Variants in RBFOX1 observed in about 807,000 individuals in gnomAD.
RBFOX1 encodes the protein RNA binding fox-1 homolog 1, also known as RNA binding protein fox-1 homolog 1.
A neutral mutation model predicts 57.7 loss-of-function variants in RBFOX1; 8 were observed. The ratio of observed to expected loss-of-function variants is 0.14; its 90% CI spans 0.08 to 0.25. The LOEUF (loss-of-function observed/expected upper bound fraction) is 0.25. RBFOX1 is among the 10% of genes least tolerant of loss of function. RBFOX1 has a pLI of 1.00. For missense variants in RBFOX1, 611 were observed against 548.5 expected, an observed-to-expected ratio of 1.11 and a Z score of -1.14; for synonymous variants, 326 against 222.4, an observed-to-expected ratio of 1.47 and a Z score of -4.15.
chr16:6,921,986 G>T lies in RBFOX1; in HGVS notation c.-15-130071G>T, dbSNP rs2074556545. Among the ~76,000 whole-genome samples the T allele has an allele frequency of 5.9e-5, 9 of 152,258 alleles. No homozygotes were observed. The Middle Eastern group carries it at 0.021, about 350-fold the overall frequency. ...TATTGTATGAATTAGAATATACACAGAACTAGCACAATGCCTAACACCTTG... is the reference window on the plus strand; with the variant it reads ...TATTGTATGAATTAGAATATACACATAACTAGCACAATGCCTAACACCTTG... On this transcript the variant is annotated intron_variant, in intron 3 of 15. Transcript: ENST00000550418.
chr16:5,426,197 G>A (rs1312202392), intron 1 of RBFOX1, among the ~76,000 whole-genome samples: 2 of 152,104 alleles, frequency 1.3e-5, no homozygotes, highest in African/African-American at 4.8e-5. Context: ...CAATTGCGGG[G>A]CACGTTTGGA....
At chr16:7,427,538 A>G (rs975790353) in intron 4 of RBFOX1, among the ~76,000 whole-genome samples, 2 of 152,172 alleles carry the variant, frequency 1.3e-5, no homozygotes. Flanking sequence ...CTTCTGAGAC[A>G]TTAGGCCATC....
chr16:7,304,169 G>T (rs1301846067), intron 4 of RBFOX1: 2 of 971,838 alleles, frequency 2.1e-6, no homozygotes, highest in Non-Finnish European at 2.4e-6. Context: ...GGGGTGCGGT[G>T]GGGGGAGGGA....
At chr16:6,527,302 TTAGGTATA>T (rs1365253196) in intron 2 of RBFOX1, among the ~76,000 whole-genome samples, 2 of 152,068 alleles carry the variant, frequency 1.3e-5, no homozygotes, top group Non-Finnish European at 2.9e-5. Context: ...ATGTGATATC[TTAGGTATA>T]TACTAAGAGG....
At chr16:6,376,372 A>G (rs1369621966) in intron 2 of RBFOX1, among the ~76,000 whole-genome samples, 1 of 152,108 alleles carries the variant, frequency 6.6e-6, no homozygotes, top group Non-Finnish European at 1.5e-5. Flanking sequence ...AAAAGCAGAC[A>G]TCCATTCTCT....
intron 3 of RBFOX1, among the ~76,000 whole-genome samples, chr16:5,640,393 C>T (rs868231378): frequency 6.6e-6 from 1 of 152,082 alleles, no homozygotes; most frequent in African/African-American, 2.4e-5. Flanking sequence ...TGCATGCATG[C>T]ATGCACATAT....
intron 4 of RBFOX1, among the ~76,000 whole-genome samples, chr16:7,497,301 C>G (rs576364285): frequency 2.8e-4 from 43 of 152,248 alleles, no homozygotes; most frequent in African/African-American, 9.4e-4. Flanking sequence ...TTCTTTTATG[C>G]CCTGATGCTG....
chr16:7,209,142 AAATAATAATAAT>A (rs60784195), intron 4 of RBFOX1, among the ~76,000 whole-genome samples: 21,685 of 140,348 alleles, frequency 0.15, 1,933 homozygotes, highest in East Asian at 0.32. Context: ...CAAAAATACA[AAATAATAATAAT>A]AATAATAATA....
At chr16:6,807,346 G>A (rs906330401) in intron 3 of RBFOX1, among the ~76,000 whole-genome samples, 5 of 152,030 alleles carry the variant, frequency 3.3e-5, no homozygotes, top group Non-Finnish European at 5.9e-5. Flanking sequence ...TTGATAATGG[G>A]AATTTTGAGA....
At position 6,397,600 on chromosome 16, in the gene RBFOX1, T is replaced by C. The variant is rs144491188; in HGVS notation, c.-64+80543T>C. On this transcript the variant is annotated intron_variant, in intron 2 of 15. Transcript: ENST00000550418. The stretch of plus-strand genomic sequence containing the variant: ...GCTAGGTGAGACTTAAAGAGATGAA[T>C]GAAGAGCAGGGAACATGGTAAATAT... 1.6e-3 allele frequency among the ~76,000 whole-genome samples: 242 copies of C among 152,296 alleles called. 1 individual carries two copies. The highest frequency in any genetic ancestry group is 0.01 in the Middle Eastern group (3 of 294).
rs1031059984 is a variant in RBFOX1 at position 6,112,797 on chromosome 16, C to T, written c.-127+92805C>T. On this transcript the variant is annotated intron_variant, in intron 1 of 15. Coordinates refer to ENST00000550418, the MANE Select transcript of RBFOX1 (RefSeq NM_018723.4). The stretch of plus-strand genomic sequence containing the variant: ...GGACATGTCTGAGTGAAATACTTAG[C>T]GGGCATTTGGAGGATTTTGTATCTG... Among the ~76,000 whole-genome samples, 8 of 152,102 alleles carry T rather than the reference C, an allele frequency of 5.3e-5. No homozygotes were observed. In the East Asian group the frequency reaches 5.8e-4, roughly 11 times the overall value.
intron 1 of RBFOX1, among the ~76,000 whole-genome samples, chr16:5,424,328 A>G (rs1017075076): frequency 4.6e-5 from 7 of 152,170 alleles, no homozygotes; most frequent in Non-Finnish European, 1.0e-4. Context: ...GTTCATTGAC[A>G]GGCTGTGTAG....
chr16:5,945,070 A>C (rs957166501), intron 4 of RBFOX1, among the ~76,000 whole-genome samples: 1 of 150,648 alleles, frequency 6.6e-6, no homozygotes, highest in African/African-American at 2.4e-5. Flanking sequence ...CTGGAGCTCT[A>C]TGTAGGTTTA....
intron 3 of RBFOX1, among the ~76,000 whole-genome samples, chr16:7,013,636 G>C (rs12920067): frequency 3.9e-5 from 6 of 152,134 alleles, no homozygotes; most frequent in African/African-American, 1.2e-4. Context: ...AGGGAGGAGG[G>C]AGGATGCCAT....
At chr16:5,346,415 A>T (rs767373487) in intron 1 of RBFOX1, among the ~76,000 whole-genome samples, 8 of 152,202 alleles carry the variant, frequency 5.3e-5, no homozygotes, top group Non-Finnish European at 1.2e-4. Context: ...AGAAAACTAC[A>T]GAGAAGTTAT....
At chr16:7,248,970 G>T (rs2094413655) in intron 4 of RBFOX1, among the ~76,000 whole-genome samples, 1 of 152,154 alleles carries the variant, frequency 6.6e-6, no homozygotes, top group Non-Finnish European at 1.5e-5. Flanking sequence ...CCCTTTGTCT[G>T]TGGAATCCCA....
At chr16:7,162,966 C>T (rs1019229574) in intron 4 of RBFOX1, among the ~76,000 whole-genome samples, 1 of 152,138 alleles carries the variant, frequency 6.6e-6, no homozygotes, top group African/African-American at 2.4e-5. Flanking sequence ...TGACCTTGGG[C>T]CAGTCACCTG....
chr16:6,915,322 T>G (rs942910071), intron 3 of RBFOX1, among the ~76,000 whole-genome samples: 1 of 152,168 alleles, frequency 6.6e-6, no homozygotes, highest in Non-Finnish European at 1.5e-5. Flanking sequence ...GGGAGCTAAC[T>G]GCGGTTCCTT....
rs551382925 is a variant in RBFOX1, at chr16:5,901,238, C to T, written c.351+33903C>T. ...TTCTTATATCCATCTCCTCATCCCC[C>T]GTTCACGCGGTCTTTGTTTTAGGCA... On this transcript the variant is annotated intron_variant, in intron 4 of 19. Transcript: ENST00000641259. Among the ~76,000 whole-genome samples the T allele has an allele frequency of 6.6e-5, 10 of 152,280 alleles. No individual in the cohort carries two copies. The East Asian group carries it at 1.4e-3, about 21-fold the overall frequency.
Sources: allele counts gnomAD v4.1 joint callset (sites outside exome capture counted in the v4.1 genomes callset), GRCh38; gene constraint gnomAD v4.1.1; transcripts MANE v1.5; gene names NCBI Gene and HGNC (gene_info 2026-07-23, HGNC 2026-07-21).